Variants in IQCM observed in about 807,000 individuals in gnomAD.
The protein encoded by IQCM is IQ domain-containing protein M.
A neutral mutation model predicts 57.6 loss-of-function variants in IQCM; 45 were observed. That is an observed-to-expected ratio of 0.78 (90% CI 0.62 to 1.00). The LOEUF is 1.00. Ranked by LOEUF, IQCM falls within the 50% of genes least tolerant of loss-of-function variation. IQCM has a pLI of 0.00. For missense variants in IQCM, 468 were observed against 511.6 expected (o/e 0.91, Z 0.82); for synonymous variants, 148 against 158.9 (o/e 0.93, Z 0.51).
At chr4:149,633,092 C>T (rs1428833460) in intron 7 of IQCM, among the ~76,000 whole-genome samples, 3 of 131,248 alleles carry the variant, frequency 2.3e-5, no homozygotes, top group African/African-American at 8.5e-5. Flanking sequence ...ACCCGGGAAG[C>T]GGAGCTTGCA....
intron 2 of IQCM, among the ~76,000 whole-genome samples, chr4:149,769,973 A>G (rs1295631738): frequency 6.6e-6 from 1 of 151,766 alleles, no homozygotes; most frequent in Admixed American, 6.6e-5. Context: ...TTAAACCTCA[A>G]GTAAGCACAG....
At chr4:149,422,759 CT>C (rs1313816329) in intron 13 of IQCM, among the ~76,000 whole-genome samples, 1 of 151,982 alleles carries the variant, frequency 6.6e-6, no homozygotes, top group Non-Finnish European at 1.5e-5. Flanking sequence ...TTCAAATATT[CT>C]TCTAATACCT....
intron 5 of IQCM, among the ~76,000 whole-genome samples, chr4:149,727,456 T>C (rs1766051811): frequency 1.3e-5 from 2 of 152,174 alleles, no homozygotes; most frequent in South Asian, 4.1e-4. Context: ...GCCATCAAAA[T>C]ATTTTTATGA....
chr4:149,629,615 G>T (rs190928749), intron 7 of IQCM, among the ~76,000 whole-genome samples: 5 of 152,066 alleles, frequency 3.3e-5, no homozygotes, highest in Admixed American at 1.3e-4. Context: ...CAGAATACTA[G>T]ATGGCTGTCA....
intron 12 of IQCM, among the ~76,000 whole-genome samples, chr4:149,531,247 T>C (rs532724217): frequency 6.6e-6 from 1 of 152,230 alleles, no homozygotes; most frequent in Non-Finnish European, 1.5e-5. Flanking sequence ...GTGACATGAG[T>C]TTTACCTCTT....
At chr4:149,811,839 T>G (rs1395875155) in intron 2 of IQCM, among the ~76,000 whole-genome samples, 1 of 152,218 alleles carries the variant, frequency 6.6e-6, no homozygotes, top group Non-Finnish European at 1.5e-5. Context: ...ATTAACAGAC[T>G]ACTTAACCCT....
At chr4:149,365,591 C>A (rs1729774594) in intron 13 of IQCM, among the ~76,000 whole-genome samples, 1 of 152,072 alleles carries the variant, frequency 6.6e-6, no homozygotes, top group African/African-American at 2.4e-5. Context: ...AGAAATCTGA[C>A]AAACACTACT....
intron 5 of IQCM, among the ~76,000 whole-genome samples, chr4:149,725,542 T>C (rs558223262): frequency 4.6e-5 from 7 of 152,332 alleles, no homozygotes; most frequent in African/African-American, 1.7e-4. Context: ...AGCATGTCTC[T>C]GACCTCAGCA....
intron 7 of IQCM, among the ~76,000 whole-genome samples, chr4:149,671,486 G>T (rs1266695030): frequency 6.6e-6 from 1 of 151,968 alleles, no homozygotes; most frequent in Non-Finnish European, 1.5e-5. Context: ...CTTCAGTTCT[G>T]CTCTGATCTT....
chr4:149,655,397 T>C (rs1759549160), intron 7 of IQCM, among the ~76,000 whole-genome samples: 1 of 152,146 alleles, frequency 6.6e-6, no homozygotes, highest in Admixed American at 6.6e-5. Context: ...TTTAATAACA[T>C]AGCATGCATT....
At chr4:149,468,335 G>A (rs540320346) in intron 12 of IQCM, among the ~76,000 whole-genome samples, 13 of 152,312 alleles carry the variant, frequency 8.5e-5, no homozygotes, top group East Asian at 3.9e-4. Context: ...TATATCCCGC[G>A]CATAGCTCAG....
At chr4:149,477,138 A>T (rs1740288056) in intron 12 of IQCM, among the ~76,000 whole-genome samples, 1 of 152,328 alleles carries the variant, frequency 6.6e-6, no homozygotes, top group Admixed American at 6.5e-5. Flanking sequence ...AAAAGACATC[A>T]GTTTTTGTGA....
At chr4:149,371,684 T>C (rs1221686728) in intron 13 of IQCM, among the ~76,000 whole-genome samples, 5 of 152,206 alleles carry the variant, frequency 3.3e-5, no homozygotes, top group Non-Finnish European at 5.9e-5. Context: ...GACCTAACTG[T>C]CCCTGATTCT....
intron 2 of IQCM, among the ~76,000 whole-genome samples, chr4:149,812,476 T>C (rs369388222): frequency 2.3e-4 from 32 of 138,240 alleles, no homozygotes; most frequent in African/African-American, 8.5e-4. Context: ...TCTCTCTCTC[T>C]CTCTCACACA....
chr4:149,425,677 T>C (rs754160252), intron 13 of IQCM, among the ~76,000 whole-genome samples: 4 of 151,996 alleles, frequency 2.6e-5, no homozygotes, highest in Non-Finnish European at 4.4e-5. Flanking sequence ...ATTTAAATGC[T>C]AAACTGGTCC....
chr4:149,675,554 G>A (rs1341024623), intron 7 of IQCM, among the ~76,000 whole-genome samples: 2 of 152,018 alleles, frequency 1.3e-5, no homozygotes, highest in East Asian at 3.9e-4. Context: ...GAGCATAATG[G>A]ATGAATTTCA....
intron 12 of IQCM, among the ~76,000 whole-genome samples, chr4:149,487,910 G>A (rs1741694895): frequency 6.6e-6 from 1 of 152,034 alleles, no homozygotes; most frequent in Non-Finnish European, 1.5e-5. Flanking sequence ...TACTGTGATT[G>A]CTCATCTGGT....
At chr4:149,503,717 C>CA (rs1030614843) in intron 12 of IQCM, among the ~76,000 whole-genome samples, 1 of 151,698 alleles carries the variant, frequency 6.6e-6, no homozygotes, top group Non-Finnish European at 1.5e-5. Flanking sequence ...ATGAAATAGA[C>CA]AAAAAATTTT....
At chr4:149,650,582 G>A (rs532688607) in intron 7 of IQCM, among the ~76,000 whole-genome samples, 120 of 152,106 alleles carry the variant, frequency 7.9e-4, no homozygotes, top group Non-Finnish European at 9.3e-4. Flanking sequence ...GAGAGACAGG[G>A]TTTCACCATG....
Sources: gnomAD v4.1 joint callset for allele counts (sites outside exome capture counted in the v4.1 genomes callset) on GRCh38, gnomAD v4.1.1 for gene constraint, MANE v1.5 for transcripts, NCBI Gene and HGNC (gene_info 2026-07-23, HGNC 2026-07-21) for gene names.